Variants in CDH9 observed in about 807,000 individuals in gnomAD.
The protein encoded by CDH9 is cadherin 9.
In CDH9, 28 loss-of-function variants were observed where a neutral mutation model predicts 70.9. That is an observed-to-expected ratio of 0.40 (90% CI 0.29 to 0.54). The LOEUF is 0.54. Among genes scored for constraint, CDH9 ranks in the 20% least tolerant of loss-of-function variants. CDH9 has a pLI of 0.59. For synonymous variants in CDH9, 409 were observed against 343.1 expected (o/e 1.19, Z -2.12); for missense variants, 874 against 984.4 (o/e 0.89, Z 1.50).
intron 1 of CDH9, among the ~76,000 whole-genome samples, chr5:27,007,104 C>T (rs1186144737): frequency 1.3e-5 from 2 of 152,106 alleles, no homozygotes; most frequent in African/African-American, 2.4e-5. Context: ...ATGTCAGCTT[C>T]CAGCTTCAGA....
intron 2 of CDH9, among the ~76,000 whole-genome samples, chr5:26,945,880 C>T (rs966322586): frequency 4.6e-5 from 7 of 152,048 alleles, no homozygotes; most frequent in African/African-American, 1.2e-4. Context: ...CATTCTTTTC[C>T]GTCACTGGGG....
intron 2 of CDH9, among the ~76,000 whole-genome samples, chr5:26,937,061 C>T (rs766086428): frequency 2.6e-5 from 4 of 151,964 alleles, no homozygotes; most frequent in Non-Finnish European, 5.9e-5. Context: ...AAACCATCTA[C>T]CTAGTGAAAG....
In CDH9 at chr5:26,974,176, A is replaced by G. The variant is rs1310361844; in HGVS notation, c.228+13930T>C. Among the ~76,000 whole-genome samples, 4 of 152,256 alleles carry G rather than the reference A, an allele frequency of 2.6e-5. No individual in the cohort carries two copies. In the South Asian group the frequency reaches 8.3e-4, roughly 32 times the overall value. Reference sequence around the variant, plus strand: ...AGAGAATCGCTTGAACCTGGGAGACAGTGGTTGCAGAGATGAGATTGCGCC... The same window carrying G: ...AGAGAATCGCTTGAACCTGGGAGACGGTGGTTGCAGAGATGAGATTGCGCC... On this transcript the variant is annotated intron_variant, in intron 2 of 11. Transcript: ENST00000231021.
chr5:26,956,224 G>C (rs114054878), intron 2 of CDH9, among the ~76,000 whole-genome samples: 1,595 of 152,226 alleles, frequency 0.01, 11 homozygotes, highest in Non-Finnish European at 0.016. Flanking sequence ...TGGTGAATAA[G>C]TCTCACGAGA....
chr5:27,026,355 G>C (rs1166224318), intron 1 of CDH9, among the ~76,000 whole-genome samples: 1 of 151,718 alleles, frequency 6.6e-6, no homozygotes, highest in Non-Finnish European at 1.5e-5. Context: ...TACCAGGGCT[G>C]TTTCACCTGT....
intron 11 of CDH9, among the ~76,000 whole-genome samples, chr5:26,882,814 G>A (rs888128778): frequency 1.3e-5 from 2 of 151,160 alleles, no homozygotes; most frequent in Non-Finnish European, 3.0e-5. Context: ...TTTTTACATT[G>A]AGATTAAACA....
At position 26,949,297 on chromosome 5, in the gene CDH9, G is replaced by T. The variant is rs1444417357; in HGVS notation, c.229-33373C>A. On this transcript the variant is annotated intron_variant, in intron 2 of 11. Transcript: ENST00000231021. ...TGAGAAGGGGCACTGATAGGTGTTA[G>T]TAAGGTGGCCCTTATTACCAGATTT... Among the ~76,000 whole-genome samples the T allele has an allele frequency of 2.0e-5, 3 of 152,172 alleles. No individual in the cohort carries two copies. In the East Asian group the frequency reaches 5.8e-4, roughly 29 times the overall value.
chr5:27,036,289 G>A (rs1743390972), intron 1 of CDH9, among the ~76,000 whole-genome samples: 1 of 151,828 alleles, frequency 6.6e-6, no homozygotes, highest in Non-Finnish European at 1.5e-5. Context: ...GGGGTTACAG[G>A]AAAACACCAG....
intron 1 of CDH9, among the ~76,000 whole-genome samples, chr5:27,003,698 A>G (rs909243971): frequency 2.6e-5 from 4 of 152,094 alleles, no homozygotes; most frequent in Non-Finnish European, 5.9e-5. Flanking sequence ...TGCCAAAGTC[A>G]TCAAAAATAG....
At chr5:26,922,141 G>T (rs1039219308) in intron 2 of CDH9, among the ~76,000 whole-genome samples, 1 of 151,422 alleles carries the variant, frequency 6.6e-6, no homozygotes, top group African/African-American at 2.4e-5. Flanking sequence ...TTAAAGAGGA[G>T]AGAGAGATGA....
intron 2 of CDH9, among the ~76,000 whole-genome samples, chr5:26,936,247 A>G (rs1741556853): frequency 6.6e-6 from 1 of 152,182 alleles, no homozygotes; most frequent in African/African-American, 2.4e-5. Flanking sequence ...CATTTAAATA[A>G]AAATTTTTAA....
At chr5:26,989,532 C>CTT (rs1205220654) in intron 1 of CDH9, among the ~76,000 whole-genome samples, 1 of 151,136 alleles carries the variant, frequency 6.6e-6, no homozygotes, top group Non-Finnish European at 1.5e-5. Context: ...CTCTCTCTCT[C>CTT]TCTTTCTCTC....
rs1366099019 is a variant in CDH9 at position 26,952,601 on chromosome 5, C to T, written c.228+35505G>A. On this transcript the variant is annotated intron_variant, in intron 2 of 11. Transcript: ENST00000231021. ...AGTGAACTTAGATCGCGCCACTGCA[C>T]TCCAGCCTGGGCGACAGAGAAAGAC... 4.7e-5 allele frequency among the ~76,000 whole-genome samples: 6 copies of T among 127,346 alleles called. No individual in the cohort carries two copies. The South Asian group carries it at 1.7e-3, about 36-fold the overall frequency. 83.5% of individuals were successfully genotyped at this position (127,346 alleles called of 152,430 possible).
intron 7 of CDH9, among the ~76,000 whole-genome samples, chr5:26,892,891 C>T (rs1740685058): frequency 6.6e-6 from 1 of 151,850 alleles, no homozygotes; most frequent in Admixed American, 6.6e-5. Flanking sequence ...CCACCATGTC[C>T]GGCTAATTTT....
intron 2 of CDH9, among the ~76,000 whole-genome samples, chr5:26,948,642 T>C (rs1382936): frequency 0.12 from 18,926 of 152,052 alleles, 3,920 homozygotes; most frequent in African/African-American, 0.43. Context: ...GTATATATGT[T>C]TTCTACTGAA....
At chr5:26,945,953 T>C (rs762930242) in intron 2 of CDH9, among the ~76,000 whole-genome samples, 5 of 152,174 alleles carry the variant, frequency 3.3e-5, no homozygotes, top group Non-Finnish European at 7.4e-5. Context: ...AAGTGGATTA[T>C]TTAACAAACA....
At chr5:26,977,285 T>G (rs1266133107) in intron 2 of CDH9, among the ~76,000 whole-genome samples, 3 of 151,986 alleles carry the variant, frequency 2.0e-5, no homozygotes, top group Non-Finnish European at 4.4e-5. Context: ...ACTTTGAAAG[T>G]CACAGTGATC....
intron 1 of CDH9, among the ~76,000 whole-genome samples, chr5:26,999,731 A>G (rs1381774958): frequency 6.6e-6 from 1 of 152,180 alleles, no homozygotes; most frequent in Non-Finnish European, 1.5e-5. Context: ...CACTTGAAGT[A>G]ACACAAAATG....
At chr5:27,006,790 C>G (rs1742871905) in intron 1 of CDH9, among the ~76,000 whole-genome samples, 1 of 151,814 alleles carries the variant, frequency 6.6e-6, no homozygotes, top group African/African-American at 2.4e-5. Context: ...ATCATGAAGT[C>G]ATCAAAAAAT....
Sources: allele counts gnomAD v4.1 joint callset (sites outside exome capture counted in the v4.1 genomes callset), GRCh38; gene constraint gnomAD v4.1.1; transcripts MANE v1.5; gene names NCBI Gene and HGNC (gene_info 2026-07-23, HGNC 2026-07-21).